The following POR variants were observed in gnomAD, a reference collection of about 807,000 sequenced individuals.
POR encodes NADPH--cytochrome P450 reductase.
A neutral mutation model predicts 84.0 loss-of-function variants in POR; 56 were observed. That is an observed-to-expected ratio of 0.67 (90% CI 0.54 to 0.83). The LOEUF (loss-of-function observed/expected upper bound fraction) is 0.83, where lower values mean the gene tolerates loss of function less well. Among genes scored for constraint, POR ranks in the 40% least tolerant of loss-of-function variants. POR has a pLI of 0.00. For missense variants in POR, 938 were observed against 944.3 expected, an observed-to-expected ratio of 0.99 and a Z score of 0.09; for synonymous variants, 414 against 400.5, an observed-to-expected ratio of 1.03 and a Z score of -0.40.
At chr7:75,954,236 C>A in intron 2 of POR, 56 bp downstream of exon 2, 1 of 1,503,940 alleles carries the variant, frequency 6.6e-7, no homozygotes, top group South Asian at 1.2e-5. Context: ...CCACTCCAAG[C>A]AGTGTCCTGC....
chr7:75,982,061 TG>T (rs1429270487), intron 7 of POR, 162 bp from the exon 8 acceptor site: 24 of 639,838 alleles, frequency 3.8e-5, no homozygotes, highest in Non-Finnish European at 5.7e-5. Context: ...CTCCCTCGCC[TG>T]CCCTCCTTGT....
intron 1 of POR, chr7:75,922,664 A>G (rs1806937218): frequency 3.8e-6 from 1 of 262,970 alleles, no homozygotes; most frequent in African/African-American, 2.3e-5. Flanking sequence ...TACAGTAGGA[A>G]CTTTTGGTAG....
intron 1 of POR, among the ~76,000 whole-genome samples, chr7:75,936,086 CTT>C (rs869164954): frequency 0.027 from 2,675 of 99,626 alleles, 50 homozygotes; most frequent in African/African-American, 0.1. Flanking sequence ...TTCTTTCTTT[CTT>C]TTTTTTTTTT....
At chr7:75,959,839 A>G (rs1405794895) in intron 2 of POR, among the ~76,000 whole-genome samples, 2 of 152,198 alleles carry the variant, frequency 1.3e-5, no homozygotes, top group Non-Finnish European at 2.9e-5. Flanking sequence ...AAGAGTTGAC[A>G]TCCTACAATA....
At chr7:75,926,057 A>G (rs1320606629) in intron 1 of POR, among the ~76,000 whole-genome samples, 1 of 131,154 alleles carries the variant, frequency 7.6e-6, no homozygotes, top group African/African-American at 2.9e-5. Context: ...TTTTTAAGGC[A>G]GGACACTTGC....
In POR at chr7:75,986,414, C is replaced by G; in HGVS notation, c.1976C>G (p.Ala659Gly). Residue 659 changes from alanine (A) to glycine (G), a missense_variant, in exon 16 of 16, where the codon GCG becomes GGG. By Grantham distance (60) the Ala-to-Gly change is moderately conservative. Transcript: ENST00000461988. ...GCTGAGCTCGGGGCCATGGAGCACGCGCAGGCGGTGGACTACATCAAGAAA... is the reference window on the plus strand; with the variant it reads ...GCTGAGCTCGGGGCCATGGAGCACGGGCAGGCGGTGGACTACATCAAGAAA... The G allele has an allele frequency of 1.2e-6, 2 of 1,612,544 alleles. No individual in the cohort carries two copies. The highest frequency in any genetic ancestry group is 1.7e-6 in the Non-Finnish European group (2 of 1,179,864).
intron 1 of POR, among the ~76,000 whole-genome samples, chr7:75,925,726 A>G (rs1242197032): frequency 6.6e-6 from 1 of 152,196 alleles, no homozygotes; most frequent in Non-Finnish European, 1.5e-5. Context: ...GCCAGGGTGG[A>G]GGCACTGTTT....
intron 1 of POR, among the ~76,000 whole-genome samples, chr7:75,927,688 T>G (rs1807199657): frequency 6.8e-6 from 1 of 147,394 alleles, no homozygotes. Context: ...TTTTTTTTTT[T>G]GAGACTGACT....
chr7:75,980,543 G>A, intron 5 of POR, 55 bp downstream of exon 5: 1 of 1,612,404 alleles, frequency 6.2e-7, no homozygotes. Context: ...GCCTCCCTGG[G>A]GACTCCAGAT....
intron 1 of POR, among the ~76,000 whole-genome samples, chr7:75,952,628 C>T (rs1206770521): frequency 6.6e-6 from 1 of 151,496 alleles, no homozygotes; most frequent in Non-Finnish European, 1.5e-5. Flanking sequence ...CAGAGACGCT[C>T]CTCACCTCCC....
chr7:75,953,351 T>G (rs1787538555), intron 1 of POR, among the ~76,000 whole-genome samples: 2 of 135,602 alleles, frequency 1.5e-5, no homozygotes, highest in African/African-American at 2.8e-5. Flanking sequence ...CCAGACTTTG[T>G]CTCTTAAAAA....
intron 1 of POR, among the ~76,000 whole-genome samples, chr7:75,939,999 C>G (rs1554551330): frequency 6.6e-6 from 1 of 151,894 alleles, no homozygotes; most frequent in East Asian, 1.9e-4. Context: ...CTGCAGGGCT[C>G]AAGTGATCTC....
chr7:75,983,583 A>G lies in POR; in HGVS notation c.894A>G (p.Gly298=). 6.2e-7 allele frequency: 1 copy of G among 1,613,134 alleles called. No homozygotes were observed. The highest frequency in any genetic ancestry group is 8.5e-7 in the Non-Finnish European group (1 of 1,179,846). Residue 298 remains glycine (G), a synonymous_variant, in exon 9 of 16, where the codon GGA becomes GGG. Coordinates refer to ENST00000461988, the MANE Select transcript of POR (RefSeq NM_000941.3). ...CCACCAACCGGAAGCTGAACCAGGG[A>G]ACCGAGCGCCACCTCATGCACCTGG...
chr7:75,953,959 C>G (rs781937731), intron 1 of POR, 30 bp from the exon 2 acceptor site: 2 of 1,524,400 alleles, frequency 1.3e-6, no homozygotes. Flanking sequence ...CTACCCTCTG[C>G]TGACATCTGC....
At chr7:75,924,408 A>C (rs913665326) in intron 1 of POR, among the ~76,000 whole-genome samples, 3 of 152,220 alleles carry the variant, frequency 2.0e-5, no homozygotes, top group African/African-American at 7.2e-5. Context: ...AGGGCCTGGC[A>C]CAGTGGCTCA....
chr7:75,919,754 G>A (rs547823458), intron 1 of POR, among the ~76,000 whole-genome samples: 1 of 152,186 alleles, frequency 6.6e-6, no homozygotes, highest in African/African-American at 2.4e-5. Flanking sequence ...GACGTGTTGT[G>A]AACAAAGCCC....
chr7:75,984,518 G>A (rs1378461774), intron 10 of POR, among the ~76,000 whole-genome samples: 3 of 152,292 alleles, frequency 2.0e-5, no homozygotes, highest in East Asian at 3.9e-4. Context: ...AAAGCACAGC[G>A]GGTGCGTTAG....
At chr7:75,934,078 T>C (rs1439032848) in intron 1 of POR, among the ~76,000 whole-genome samples, 1 of 151,092 alleles carries the variant, frequency 6.6e-6, no homozygotes, top group African/African-American at 2.4e-5. Context: ...TTAATATCTT[T>C]TACATCAGAA....
intron 1 of POR, among the ~76,000 whole-genome samples, chr7:75,945,588 A>G (rs1279770942): frequency 9.2e-5 from 14 of 152,210 alleles, no homozygotes; most frequent in Non-Finnish European, 1.8e-4. Flanking sequence ...ACAGTAGGGT[A>G]TGGTTCCATG....
Sources: allele counts gnomAD v4.1 joint callset (sites outside exome capture counted in the v4.1 genomes callset), GRCh38; gene constraint gnomAD v4.1.1; transcripts MANE v1.5; gene names NCBI Gene and HGNC (gene_info 2026-07-23, HGNC 2026-07-21).